Variants in VAPB observed in about 807,000 individuals in gnomAD.
VAPB encodes the protein vesicle-associated membrane protein-associated protein B/C.
In VAPB, 7 loss-of-function variants were observed where a neutral mutation model predicts 25.6. The observed-to-expected ratio is 0.27, with a 90% CI of 0.16 to 0.51. VAPB has a LOEUF of 0.51. Among genes scored for constraint, VAPB ranks in the 20% least tolerant of loss-of-function variants. The pLI is 0.97. For missense variants in VAPB, 266 were observed against 301.3 expected (o/e 0.88, Z 0.87); for synonymous variants, 112 against 109.2 (o/e 1.03, Z -0.16).
In VAPB at chr20:58,449,473, A is replaced by G. The variant is rs184710358; in HGVS notation, c.*5238A>G. 2.2e-6 allele frequency: 1 copy of G among 450,588 alleles called. No individual in the cohort carries two copies. Among genetic ancestry groups the G allele is most frequent in the Non-Finnish European group, 4.4e-6 (1 of 225,744 alleles). 27.9% of individuals were successfully genotyped at this position (450,588 alleles called of 1,614,324 possible). A position where few individuals can be genotyped will look rare whatever the true frequency, so the allele number is the denominator to read the frequency against. On this transcript the variant is annotated 3_prime_UTR_variant, in exon 6 of 6. Transcript: ENST00000475243. The stretch of plus-strand genomic sequence containing the variant: ...TTTTTCTTAATGGAATTAGTTTATT[A>G]GAAAATGTCTGTGTTAAATCCGTAG...
chr20:58,418,096 A>G, intron 1 of VAPB, 115 bp from the exon 2 acceptor site: 6 of 1,400,720 alleles, frequency 4.3e-6, no homozygotes, highest in East Asian at 2.3e-5. Context: ...TGGCATGTTA[A>G]TGAGATAATC....
intron 2 of VAPB, among the ~76,000 whole-genome samples, chr20:58,423,433 A>AAG (rs1988715384): frequency 6.7e-6 from 1 of 148,474 alleles, no homozygotes; most frequent in Non-Finnish European, 1.5e-5. Context: ...AAAAAAAAAA[A>AAG]AAAAAAAAAA....
Position 58,389,245 on chromosome 20 carries a change from CCGGGCACCG to C in VAPB, c.-211_-203del. 1.5e-6 allele frequency: 1 copy of C among 658,712 alleles called. No homozygotes were observed. Among genetic ancestry groups the C allele is most frequent in the Middle Eastern group, 3.9e-4 (1 of 2,588 alleles). 40.8% of individuals were successfully genotyped at this position (658,712 alleles called of 1,614,324 possible). A position where few individuals can be genotyped will look rare whatever the true frequency, so the allele number is the denominator to read the frequency against. ...TGCGTGCGTGCGTGCCGTCAGCTCG[CCGGGCACCG>C]CGGCCTCGCCCTCGCCCTCCGCCCC... On this transcript the variant is annotated 5_prime_UTR_variant, in exon 1 of 6. Transcript: ENST00000475243.
At chr20:58,415,729 T>C (rs2123054698) in intron 1 of VAPB, among the ~76,000 whole-genome samples, 1 of 152,336 alleles carries the variant, frequency 6.6e-6, no homozygotes, top group African/African-American at 2.4e-5. Context: ...ATTTTTTACA[T>C]AATGCTTTAA....
chr20:58,427,685 C>T (rs879894403), intron 2 of VAPB, among the ~76,000 whole-genome samples: 2 of 147,766 alleles, frequency 1.4e-5, no homozygotes, highest in Non-Finnish European at 3.0e-5. Context: ...GATCTGTTAC[C>T]ATTATGCTGC....
In VAPB at chr20:58,408,774, C is replaced by T. The variant is rs187611240; in HGVS notation, c.59-9437C>T. 6.3e-3 allele frequency among the ~76,000 whole-genome samples: 960 copies of T among 152,150 alleles called. 16 individuals are homozygous for T. The highest frequency in any genetic ancestry group is 9.3e-3 in the Non-Finnish European group (631 of 68,006). On this transcript the variant is annotated intron_variant, in intron 1 of 5. Coordinates refer to ENST00000475243, the MANE Select transcript of VAPB (RefSeq NM_004738.5). ...AGTAGGTGTCTGTTTACAGGAAATGCAGCAGAATCAGAGTACAATGACCTC... is the reference window on the plus strand; with the variant it reads ...AGTAGGTGTCTGTTTACAGGAAATGTAGCAGAATCAGAGTACAATGACCTC...
rs1402819502 is a variant in VAPB, at chr20:58,445,944, C to T, written c.*1709C>T. 1 of 453,892 alleles carries T rather than the reference C, an allele frequency of 2.2e-6. No homozygotes were observed. Among genetic ancestry groups the T allele is most frequent in the African/African-American group, 2.0e-5 (1 of 49,962 alleles). The allele number at this position is 453,892 out of a possible 1,614,324, so 28.1% of individuals were successfully genotyped here. A position where few individuals can be genotyped will look rare whatever the true frequency, so the allele number is the denominator to read the frequency against. ...CAAGTTCATCAGAAGGAAGGCAGTCCTTAGAAGTCACATACGTTGAGCCAC... is the reference window on the plus strand; with the variant it reads ...CAAGTTCATCAGAAGGAAGGCAGTCTTTAGAAGTCACATACGTTGAGCCAC... On this transcript the variant is annotated 3_prime_UTR_variant, in exon 6 of 6. Transcript: ENST00000475243.
intron 1 of VAPB, among the ~76,000 whole-genome samples, chr20:58,397,151 C>T (rs1987977775): frequency 6.6e-6 from 1 of 152,208 alleles, no homozygotes; most frequent in Non-Finnish European, 1.5e-5. Flanking sequence ...ACAGATGACT[C>T]CAAAGAATGT....
At chr20:58,434,531 C>T in intron 2 of VAPB, 71 bp from the exon 3 acceptor site, 2 of 809,210 alleles carry the variant, frequency 2.5e-6, no homozygotes, top group Non-Finnish European at 4.4e-6. Flanking sequence ...AACCAAAGTA[C>T]AAGTATTAGC....
chr20:58,399,194 G>T (rs1354775140), intron 1 of VAPB, among the ~76,000 whole-genome samples: 3 of 151,932 alleles, frequency 2.0e-5, no homozygotes, highest in Non-Finnish European at 4.4e-5. Flanking sequence ...CAGGTACTGG[G>T]GAGGCTGAGG....
At chr20:58,427,656 G>A (rs1349711589) in intron 2 of VAPB, among the ~76,000 whole-genome samples, 1 of 151,628 alleles carries the variant, frequency 6.6e-6, no homozygotes, top group African/African-American at 2.4e-5. Flanking sequence ...CCATTATGAT[G>A]CAGGCAGAAG....
At chr20:58,397,889 A>G (rs960086147) in intron 1 of VAPB, among the ~76,000 whole-genome samples, 2 of 152,194 alleles carry the variant, frequency 1.3e-5, no homozygotes, top group African/African-American at 4.8e-5. Flanking sequence ...TCTGTATGAG[A>G]TACACTTTGG....
chr20:58,410,977 C>G (rs1988364389), intron 1 of VAPB, among the ~76,000 whole-genome samples: 1 of 152,160 alleles, frequency 6.6e-6, no homozygotes, highest in African/African-American at 2.4e-5. Flanking sequence ...ATGAATAAAG[C>G]TGCTATAAAC....
At chr20:58,389,627 C>A in intron 1 of VAPB, 110 bp downstream of exon 1, 1 of 1,221,774 alleles carries the variant, frequency 8.2e-7, no homozygotes, top group Non-Finnish European at 1.1e-6. Flanking sequence ...CCCGACGGCG[C>A]TGTCGCGGGG....
In VAPB at chr20:58,450,525, T is replaced by A. The variant is rs1291110891; in HGVS notation, c.*6290T>A. 8.8e-6 allele frequency: 4 copies of A among 453,996 alleles called. No individual in the cohort carries two copies. The highest frequency in any genetic ancestry group is 1.8e-5 in the Non-Finnish European group (4 of 226,804). 28.1% of individuals were successfully genotyped at this position (453,996 alleles called of 1,614,324 possible). A position where few individuals can be genotyped will look rare whatever the true frequency, so the allele number is the denominator to read the frequency against. On this transcript the variant is annotated 3_prime_UTR_variant, in exon 6 of 6. Transcript: ENST00000475243. ...TCGTTTCCTTTTTAAAGACGATTTA[T>A]CAACTGCTGCCATTTGGAACTTCCT...
intron 1 of VAPB, among the ~76,000 whole-genome samples, chr20:58,412,851 C>T (rs1988415108): frequency 6.6e-6 from 1 of 152,070 alleles, no homozygotes; most frequent in South Asian, 2.1e-4. Context: ...TACAGAAAAG[C>T]ATTTAAATCA....
chr20:58,395,455 GTCT>G (rs1453915621), intron 1 of VAPB, among the ~76,000 whole-genome samples: 1 of 152,154 alleles, frequency 6.6e-6, no homozygotes, highest in African/African-American at 2.4e-5. Context: ...GGCCAAGAGT[GTCT>G]TATATATCCC....
chr20:58,395,930 G>A lies in VAPB; in HGVS notation c.58+6413G>A, dbSNP rs1043228626. Among the ~76,000 whole-genome samples the A allele has an allele frequency of 4.0e-4, 61 of 152,136 alleles. 1 individual carries two copies. Among genetic ancestry groups the A allele is most frequent in the Non-Finnish European group, 1.3e-4 (9 of 68,022 alleles). The stretch of plus-strand genomic sequence containing the variant: ...TATTTAAAAAACAAACAAAATAACT[G>A]AATGTGGTAAAATACTATCTCTAGA... On this transcript the variant is annotated intron_variant, in intron 1 of 5. Coordinates refer to ENST00000475243, the MANE Select transcript of VAPB (RefSeq NM_004738.5).
chr20:58,420,969 A>G (rs546091777), intron 2 of VAPB, among the ~76,000 whole-genome samples: 22 of 152,232 alleles, frequency 1.4e-4, no homozygotes, highest in Non-Finnish European at 3.1e-4. Flanking sequence ...GTGAGTCACT[A>G]GAGTCCTCAG....
Sources: allele counts gnomAD v4.1 joint callset (sites outside exome capture counted in the v4.1 genomes callset), GRCh38; gene constraint gnomAD v4.1.1; transcripts MANE v1.5; gene names NCBI Gene and HGNC (gene_info 2026-07-23, HGNC 2026-07-21).